Variants in CRADD observed in about 807,000 individuals in gnomAD.
CRADD encodes death domain-containing protein CRADD.
A neutral mutation model predicts 15.5 loss-of-function variants in CRADD; 9 were observed. The observed-to-expected ratio is 0.58, with a 90% CI of 0.35 to 1.01. The LOEUF is 1.01. Ranked by LOEUF, CRADD falls within the 50% of genes least tolerant of loss-of-function variation. The probability of loss-of-function intolerance (pLI) is 0.02; values close to 1 mark genes in which losing one functional copy is unlikely to be tolerated. For synonymous variants in CRADD, 118 were observed against 107.6 expected (o/e 1.10, Z -0.60); for missense variants, 227 against 250.3 (o/e 0.91, Z 0.63).
chr12:93,759,296 G>A (rs1307208206), intron 2 of CRADD, among the ~76,000 whole-genome samples: 1 of 152,120 alleles, frequency 6.6e-6, no homozygotes, highest in African/African-American at 2.4e-5. Context: ...AAAAAAATCT[G>A]TTACCAATTT....
At chr12:93,881,367 T>A (rs150801027) in intron 2 of CRADD, among the ~76,000 whole-genome samples, 1 of 149,194 alleles carries the variant, frequency 6.7e-6, no homozygotes, top group African/African-American at 2.4e-5. Flanking sequence ...AGACTGTGGC[T>A]AATAGATATG....
chr12:93,835,155 A>G (rs1373229604), intron 2 of CRADD, among the ~76,000 whole-genome samples: 6 of 152,084 alleles, frequency 3.9e-5, no homozygotes, highest in East Asian at 1.9e-4. Flanking sequence ...TGAACGATGA[A>G]TTTTTTAGTT....
intron 2 of CRADD, among the ~76,000 whole-genome samples, chr12:93,763,440 C>A (rs1956992329): frequency 6.6e-6 from 1 of 150,540 alleles, no homozygotes; most frequent in African/African-American, 2.4e-5. Flanking sequence ...CAAGTCAAGT[C>A]AATATTTTCT....
downstream of CRADD, among the ~76,000 whole-genome samples, chr12:93,851,534 G>C (rs1307189851): frequency 2.6e-5 from 4 of 152,212 alleles, no homozygotes; most frequent in Non-Finnish European, 4.4e-5. Context: ...AGCACATCCA[G>C]ATGCAGCTCA....
intron 2 of CRADD, among the ~76,000 whole-genome samples, chr12:93,732,119 A>G (rs1413172388): frequency 6.6e-6 from 1 of 151,384 alleles, no homozygotes; most frequent in East Asian, 1.9e-4. Flanking sequence ...CTGGGCGACA[A>G]GAGTGAAATT....
At chr12:93,749,336 AG>A (rs1042273302) in intron 2 of CRADD, among the ~76,000 whole-genome samples, 2 of 152,190 alleles carry the variant, frequency 1.3e-5, no homozygotes, top group Non-Finnish European at 2.9e-5. Context: ...TCATGAGCAA[AG>A]GGGAGAGGAT....
intron 2 of CRADD, among the ~76,000 whole-genome samples, chr12:93,793,118 T>C (rs1460279783): frequency 6.6e-6 from 1 of 152,106 alleles, no homozygotes; most frequent in East Asian, 1.9e-4. Context: ...AAAAATAGAA[T>C]TGCAAACCAT....
intron 2 of CRADD, among the ~76,000 whole-genome samples, chr12:93,881,140 T>G (rs1010741986): frequency 6.6e-6 from 1 of 152,230 alleles, no homozygotes; most frequent in Non-Finnish European, 1.5e-5. Context: ...ACCTCTGATA[T>G]CTCTGTGACA....
intron 2 of CRADD, among the ~76,000 whole-genome samples, chr12:93,879,705 C>T (rs1019747775): frequency 1.3e-5 from 2 of 152,164 alleles, no homozygotes; most frequent in African/African-American, 4.8e-5. Context: ...ATAACTGGAG[C>T]AATGCTCTAC....
chr12:93,812,583 G>C (rs1437692092), intron 2 of CRADD, among the ~76,000 whole-genome samples: 3 of 151,812 alleles, frequency 2.0e-5, no homozygotes, highest in Non-Finnish European at 2.9e-5. Flanking sequence ...AGTTTCTTTT[G>C]GGGCTAGATG....
intron 2 of CRADD, among the ~76,000 whole-genome samples, chr12:93,847,499 A>G (rs1042277957): frequency 2.8e-4 from 12 of 43,494 alleles, no homozygotes; most frequent in East Asian, 1.1e-3. Flanking sequence ...GCATTGCTTG[A>G]AAAAAAAAAA....
chr12:93,869,210 T>G (rs1183151583), intron 2 of CRADD, among the ~76,000 whole-genome samples: 1 of 151,886 alleles, frequency 6.6e-6, no homozygotes, highest in Non-Finnish European at 1.5e-5. Context: ...AGAGCAAAAA[T>G]AAAATATAAC....
chr12:93,712,322 G>C, intron 2 of CRADD, among the ~76,000 whole-genome samples: 1 of 152,126 alleles, frequency 6.6e-6, no homozygotes, highest in South Asian at 2.1e-4. Flanking sequence ...TTATATGCTA[G>C]TTTATTGTCT....
At chr12:93,700,662 C>T (rs1203223992) in intron 2 of CRADD, among the ~76,000 whole-genome samples, 1 of 152,162 alleles carries the variant, frequency 6.6e-6, no homozygotes, top group Non-Finnish European at 1.5e-5. Context: ...GATCTCCTGA[C>T]CTCGTGATCT....
chr12:93,822,653 C>T (rs1397954568), intron 2 of CRADD, among the ~76,000 whole-genome samples: 1 of 152,104 alleles, frequency 6.6e-6, no homozygotes, highest in East Asian at 1.9e-4. Flanking sequence ...CATGCAGTCA[C>T]CTTTTGGGTT....
chr12:93,840,962 A>T (rs988664725), intron 2 of CRADD, among the ~76,000 whole-genome samples: 3 of 152,174 alleles, frequency 2.0e-5, no homozygotes, highest in Admixed American at 1.3e-4. Flanking sequence ...TCTTCACCAA[A>T]TCAAATGCTT....
chr12:93,681,706 C>A (rs1342659081), intron 2 of CRADD, among the ~76,000 whole-genome samples: 1 of 152,174 alleles, frequency 6.6e-6, no homozygotes, highest in African/African-American at 2.4e-5. Flanking sequence ...GGCACTCCTT[C>A]CCAATCTTGT....
At position 93,783,875 on chromosome 12, in the gene CRADD, T is replaced by C. The variant is rs576520207; in HGVS notation, c.299-66095T>C. ...TTGTTTACTTACTGAAAAAATGACA[T>C]TGGCTTTTGTAAAACCTGGGTGTGC... On this transcript the variant is annotated intron_variant, in intron 2 of 2. Transcript: ENST00000332896. Among the ~76,000 whole-genome samples, 3 of 152,318 alleles carry C rather than the reference T, an allele frequency of 2.0e-5. No individual in the cohort carries two copies. In the East Asian group the frequency reaches 5.8e-4, roughly 29 times the overall value.
At chr12:93,705,688 C>T (rs1383071929) in intron 2 of CRADD, among the ~76,000 whole-genome samples, 2 of 152,146 alleles carry the variant, frequency 1.3e-5, no homozygotes, top group African/African-American at 2.4e-5. Context: ...AGTAATGGCT[C>T]CTAGAGCTGG....
Sources: gnomAD v4.1 joint callset for allele counts (sites outside exome capture counted in the v4.1 genomes callset) on GRCh38, gnomAD v4.1.1 for gene constraint, MANE v1.5 for transcripts, NCBI Gene and HGNC (gene_info 2026-07-23, HGNC 2026-07-21) for gene names.